JAKMIP1: variants seen among roughly 807,000 people sequenced by gnomAD.
The protein encoded by JAKMIP1 is janus kinase and microtubule-interacting protein 1.
JAKMIP1 carries 33 observed loss-of-function variants against 113.0 expected under a neutral mutation model. The ratio of observed to expected loss-of-function variants is 0.29; its 90% CI spans 0.22 to 0.39. JAKMIP1 has a LOEUF of 0.39. JAKMIP1 is among the 10% of genes least tolerant of loss of function. The probability of loss-of-function intolerance (pLI) is 1.00; values close to 1 mark genes in which losing one functional copy is unlikely to be tolerated. For missense variants in JAKMIP1, 813 were observed against 1,080.5 expected, an observed-to-expected ratio of 0.75 and a Z score of 3.47; for synonymous variants, 480 against 459.9, an observed-to-expected ratio of 1.04 and a Z score of -0.56.
In JAKMIP1 at chr4:6,050,709, A is replaced by T. The variant is rs553026423; in HGVS notation, c.1807-30T>A. ...GGAAAAGATTCGGTTTAAAAACAGA[A>T]TGTGACCGGATTATTTACCACTTGC... is the stretch of plus-strand genomic sequence containing the variant. On this transcript the variant is annotated intron_variant, in intron 13 of 20. Transcript: ENST00000409021. The surrounding 1 kb of genome is among the most constrained non-coding windows in gnomAD (Gnocchi z 7.4). 123 of 1,497,746 alleles carry T rather than the reference A, an allele frequency of 8.2e-5. No homozygotes were observed. The highest frequency in any genetic ancestry group is 5.8e-4 in the South Asian group (48 of 82,826). The allele number at this position is 1,497,746 out of a possible 1,614,324, so 92.8% of individuals were successfully genotyped here. A position where few individuals can be genotyped will look rare whatever the true frequency, so the allele number is the denominator to read the frequency against.
At chr4:6,163,214 T>G (rs1723174664) in intron 1 of JAKMIP1, among the ~76,000 whole-genome samples, 1 of 152,260 alleles carries the variant, frequency 6.6e-6, no homozygotes, top group South Asian at 2.1e-4. Context: ...ATTACGTTTT[T>G]GACAAATTGA....
chr4:6,189,604 G>A (rs1259329455), intron 1 of JAKMIP1, among the ~76,000 whole-genome samples: 2 of 152,214 alleles, frequency 1.3e-5, no homozygotes, highest in African/African-American at 2.4e-5. Context: ...GGGAGTCCCA[G>A]TGTGAATCAG....
intron 20 of JAKMIP1, among the ~76,000 whole-genome samples, chr4:6,028,292 C>T (rs1319564101): frequency 6.6e-6 from 1 of 152,194 alleles, no homozygotes; most frequent in East Asian, 1.9e-4. Context: ...CAGACGGGGA[C>T]TCTAGGAATC....
rs1239214147 is a variant in JAKMIP1 at position 6,183,506 on chromosome 4, A to AAATAAATAAATAAATAAATTAATT, written c.-148+16746_-148+16747insAATTAATTTATTTATTTATTTATT. Among the ~76,000 whole-genome samples the AAATAAATAAATAAATAAATTAATT allele has an allele frequency of 3.3e-5, 5 of 151,286 alleles. No individual in the cohort carries two copies. Among genetic ancestry groups the AAATAAATAAATAAATAAATTAATT allele is most frequent in the East Asian group, 3.9e-4 (2 of 5,166 alleles). ...TAAATAAATAAATAAATAAATAAAT[A>AAATAAATAAATAAATAAATTAATT]AATTTAAAAAAGAAAGTAAAATGGA... On this transcript the variant is annotated intron_variant, in intron 1 of 20. Coordinates refer to ENST00000409021, the MANE Select transcript of JAKMIP1 (RefSeq NM_001099433.2). The surrounding 1 kb of genome is among the most constrained non-coding windows in gnomAD (Gnocchi z 5.3).
At chr4:6,115,546 T>C (rs938080560) in intron 1 of JAKMIP1, among the ~76,000 whole-genome samples, 4 of 152,226 alleles carry the variant, frequency 2.6e-5, no homozygotes, top group African/African-American at 9.7e-5. Flanking sequence ...ACCCTGGGGA[T>C]ACGGTGGAAA....
chr4:6,033,253 T>A (rs1455035154), intron 19 of JAKMIP1, among the ~76,000 whole-genome samples: 1 of 152,182 alleles, frequency 6.6e-6, no homozygotes, highest in Non-Finnish European at 1.5e-5. Flanking sequence ...AATGGTAATG[T>A]CCACAGCAAA....
intron 18 of JAKMIP1, among the ~76,000 whole-genome samples, 176 bp from the exon 19 acceptor site, chr4:6,036,283 C>A (rs1270847599): frequency 6.6e-6 from 1 of 152,240 alleles, no homozygotes; most frequent in Non-Finnish European, 1.5e-5. Flanking sequence ...TGTGAGGGAG[C>A]AACTCGGCCC....
chr4:6,058,553 T>C (rs1367598718), intron 11 of JAKMIP1, among the ~76,000 whole-genome samples: 1 of 152,234 alleles, frequency 6.6e-6, no homozygotes, highest in Non-Finnish European at 1.5e-5. Flanking sequence ...CCTTTACCTA[T>C]CTAGAAAAGT....
chr4:6,060,596 C>T lies in JAKMIP1; in HGVS notation c.1561-89G>A, dbSNP rs1385036681. On this transcript the variant is annotated intron_variant, in intron 10 of 20. Transcript: ENST00000409021. Reference sequence around the variant, plus strand: ...CGTCATGCCCCAATGCAAGCAATGCCTAGGGTCCTTATAGGCAAACCTTAG... The same window carrying T: ...CGTCATGCCCCAATGCAAGCAATGCTTAGGGTCCTTATAGGCAAACCTTAG... The T allele has an allele frequency of 2.1e-5, 20 of 954,052 alleles. No homozygotes were observed. The East Asian group carries it at 4.5e-4, about 22-fold the overall frequency. The allele number at this position is 954,052 out of a possible 1,614,324, so 59.1% of individuals were successfully genotyped here. A position where few individuals can be genotyped will look rare whatever the true frequency, so the allele number is the denominator to read the frequency against.
chr4:6,070,861 A>G (rs185321498), intron 8 of JAKMIP1, among the ~76,000 whole-genome samples: 1 of 152,326 alleles, frequency 6.6e-6, no homozygotes, highest in African/African-American at 2.4e-5. Context: ...AACTAGATCA[A>G]AGTCTTCAGA....
chr4:6,026,771 A>G (rs114978279), intron 20 of JAKMIP1, among the ~76,000 whole-genome samples: 3,018 of 151,838 alleles, frequency 0.02, 42 homozygotes, highest in Non-Finnish European at 0.033. Context: ...CGCTTGCCCA[A>G]CCCTCTACCC....
intron 16 of JAKMIP1, among the ~76,000 whole-genome samples, chr4:6,047,884 G>A (rs1026167500): frequency 6.6e-6 from 1 of 152,154 alleles, no homozygotes; most frequent in African/African-American, 2.4e-5. Flanking sequence ...AACAAATCAG[G>A]AATGTGTTTT....
rs993280833 is a variant in JAKMIP1 at position 6,156,934 on chromosome 4, G to C, written c.-148+43319C>G. On this transcript the variant is annotated intron_variant, in intron 1 of 20. Coordinates refer to ENST00000409021, the MANE Select transcript of JAKMIP1 (RefSeq NM_001099433.2). This position sits in a 1 kb window ranked among gnomAD's most constrained non-coding sequence, Gnocchi z 5.0. ...TCTATAACAAGTTCCATGGCTAGTG[G>C]TTTGAATGCGTCCCTCAAAGTTCAC... Among the ~76,000 whole-genome samples the C allele has an allele frequency of 6.6e-6, 1 of 152,240 alleles. No individual in the cohort carries two copies. The highest frequency in any genetic ancestry group is 1.5e-5 in the Non-Finnish European group (1 of 68,052).
chr4:6,028,687 C>T (rs1251165332), intron 20 of JAKMIP1, among the ~76,000 whole-genome samples: 1 of 152,144 alleles, frequency 6.6e-6, no homozygotes, highest in Non-Finnish European at 1.5e-5. Context: ...CCAGAGATGC[C>T]CCTTCTACCT....
intron 1 of JAKMIP1, among the ~76,000 whole-genome samples, chr4:6,171,628 G>C (rs922623543): frequency 6.6e-6 from 1 of 152,260 alleles, no homozygotes; most frequent in East Asian, 1.9e-4. Context: ...AATGCCAAGA[G>C]CATGAGTGCA....
At chr4:6,124,028 GGGCTTGGAGGTGAGGT>G (rs1717069282) in intron 1 of JAKMIP1, among the ~76,000 whole-genome samples, 1 of 152,226 alleles carries the variant, frequency 6.6e-6, no homozygotes, top group South Asian at 2.1e-4. Flanking sequence ...CACGTACTCT[GGGCTTGGAGGTGAGGT>G]GCCATAGAGA....
Position 6,085,629 on chromosome 4 carries a change from T to C in JAKMIP1, c.625A>G (p.Met209Val). The C allele has an allele frequency of 1.2e-6, 2 of 1,613,788 alleles. No homozygotes were observed. Among genetic ancestry groups the C allele is most frequent in the South Asian group, 1.1e-5 (1 of 91,086 alleles). ...CGGTCTTTCCCTTTGATCTCATCCA[T>C]CTGAAAAGGAGAAAGAATAAGCAGT... ...RECERDIRRL[M>V]DEIKGKDRVI... is the part of the protein sequence containing the mutation. Residue 209 changes from methionine to valine, a missense_variant and splice_region_variant, in exon 4 of 21, where the codon ATG becomes GTG. Met to Val is a conservative substitution (Grantham distance 21). Coordinates refer to ENST00000409021, the MANE Select transcript of JAKMIP1 (RefSeq NM_001099433.2).
intron 11 of JAKMIP1, among the ~76,000 whole-genome samples, chr4:6,057,395 C>A (rs764552408): frequency 3.9e-5 from 6 of 152,110 alleles, no homozygotes; most frequent in Non-Finnish European, 7.4e-5. Context: ...GGGCTGAGGC[C>A]CCTCCCAAGC....
At chr4:6,045,300 T>C (rs959454298) in intron 16 of JAKMIP1, among the ~76,000 whole-genome samples, 1 of 152,240 alleles carries the variant, frequency 6.6e-6, no homozygotes, top group African/African-American at 2.4e-5. Flanking sequence ...ATATGACTGC[T>C]ATGATTTATA....
Sources: allele counts gnomAD v4.1 joint callset (sites outside exome capture counted in the v4.1 genomes callset), GRCh38; gene constraint gnomAD v4.1.1; non-coding constraint Gnocchi (gnomAD v3.1); transcripts MANE v1.5; gene names NCBI Gene and HGNC (gene_info 2026-07-23, HGNC 2026-07-21).